The following NRG3 variants were observed in gnomAD, a reference collection of about 807,000 sequenced individuals.
The protein encoded by NRG3 is neuregulin 3.
In NRG3, 31 loss-of-function variants were observed where a neutral mutation model predicts 66.9. That is an observed-to-expected ratio of 0.46 (90% CI 0.35 to 0.63). The LOEUF is 0.63. Ranked by LOEUF, NRG3 falls within the 20% of genes least tolerant of loss-of-function variation. The pLI, the probability that NRG3 is intolerant of heterozygous loss-of-function variation, is 0.00. For synonymous variants in NRG3, 393 were observed against 359.4 expected, an observed-to-expected ratio of 1.09 and a Z score of -1.06; for missense variants, 910 against 878.9, an observed-to-expected ratio of 1.04 and a Z score of -0.45.
intron 1 of NRG3, among the ~76,000 whole-genome samples, chr10:81,908,634 C>T (rs1844823475): frequency 6.6e-6 from 1 of 152,158 alleles, no homozygotes; most frequent in Non-Finnish European, 1.5e-5. Flanking sequence ...TCATGTTAAA[C>T]CACCTTTGTT....
At chr10:82,568,797 G>A (rs2045566566) in intron 2 of NRG3, among the ~76,000 whole-genome samples, 1 of 151,728 alleles carries the variant, frequency 6.6e-6, no homozygotes, top group South Asian at 2.1e-4. Flanking sequence ...CACTCATTGT[G>A]ATGTAAATCC....
chr10:82,234,018 C>T (rs1339271344), intron 1 of NRG3, among the ~76,000 whole-genome samples: 1 of 152,150 alleles, frequency 6.6e-6, no homozygotes, highest in Non-Finnish European at 1.5e-5. Flanking sequence ...CTCCTAGCTG[C>T]TCTACAAACC....
chr10:82,349,123 TGGA>T (rs2083233599), intron 1 of NRG3, among the ~76,000 whole-genome samples: 1 of 152,146 alleles, frequency 6.6e-6, no homozygotes, highest in African/African-American at 2.4e-5. Context: ...TGCGTTCCTT[TGGA>T]GGAGGAGAGG....
At chr10:82,104,126 G>A (rs1309681039) in intron 1 of NRG3, among the ~76,000 whole-genome samples, 1 of 152,038 alleles carries the variant, frequency 6.6e-6, no homozygotes, top group African/African-American at 2.4e-5. Flanking sequence ...TCATTTGCCT[G>A]CCAATATTTA....
intron 3 of NRG3, among the ~76,000 whole-genome samples, chr10:82,764,425 G>A (rs1026223591): frequency 3.5e-5 from 5 of 143,660 alleles, no homozygotes; most frequent in Non-Finnish European, 7.5e-5. Flanking sequence ...TCGCCTAAGT[G>A]CAGTGGTGCA....
intron 6 of NRG3, among the ~76,000 whole-genome samples, chr10:82,972,236 T>G (rs531665502): frequency 6.6e-6 from 1 of 152,276 alleles, no homozygotes; most frequent in South Asian, 2.1e-4. Flanking sequence ...TACTTAAATA[T>G]ATATATTTTG....
intron 2 of NRG3, among the ~76,000 whole-genome samples, chr10:82,427,070 G>C (rs1161949735): frequency 6.6e-6 from 1 of 151,906 alleles, no homozygotes; most frequent in Non-Finnish European, 1.5e-5. Flanking sequence ...ATTCGTTCCA[G>C]TAGGGTATGT....
intron 1 of NRG3, among the ~76,000 whole-genome samples, chr10:81,933,903 G>A (rs1403935281): frequency 2.6e-5 from 4 of 152,172 alleles, no homozygotes; most frequent in African/African-American, 9.7e-5. Context: ...GGTGAAGATG[G>A]TTAAAAGTAG....
chr10:82,871,706 C>A (rs994923895), intron 4 of NRG3, among the ~76,000 whole-genome samples: 72 of 151,962 alleles, frequency 4.7e-4, no homozygotes, highest in Admixed American at 8.5e-4. Context: ...TTTTTAATTT[C>A]ATATCATATT....
At chr10:82,567,971 G>GT (rs1244787201) in intron 2 of NRG3, among the ~76,000 whole-genome samples, 2 of 151,926 alleles carry the variant, frequency 1.3e-5, no homozygotes, top group Non-Finnish European at 2.9e-5. Context: ...ACATCCTGGA[G>GT]TGAGACACCC....
chr10:82,985,108 A>G lies in NRG3; in HGVS notation c.1594A>G (p.Ser532Gly), dbSNP rs763967529. ...DTIPCQGYSS[S>G]GLKTQRNTSI... ...GTGTTTCTTTTTCAGGTATTCATCC[A>G]GTGGTTTAAAAACCCAACGAAATAC... Residue 532 changes from serine to glycine, a missense_variant, in exon 9 of 9, where the codon AGT (serine) becomes GGT (glycine). Coordinates refer to ENST00000372141, the MANE Select transcript of NRG3 (RefSeq NM_001010848.4). 1.2e-6 allele frequency: 2 copies of G among 1,613,536 alleles called. No homozygotes were observed. Among genetic ancestry groups the G allele is most frequent in the Non-Finnish European group, 1.7e-6 (2 of 1,179,746 alleles).
At chr10:82,945,624 A>C (rs1848948077) in intron 4 of NRG3, among the ~76,000 whole-genome samples, 1 of 151,842 alleles carries the variant, frequency 6.6e-6, no homozygotes, top group African/African-American at 2.4e-5. Flanking sequence ...TCAGAAGCCC[A>C]CTCTTGTGAT....
chr10:82,374,239 C>T (rs1218703234), intron 2 of NRG3, among the ~76,000 whole-genome samples: 3 of 152,156 alleles, frequency 2.0e-5, no homozygotes, highest in Non-Finnish European at 1.5e-5. Flanking sequence ...ACCTTGTGTT[C>T]ATGTTAAATA....
At chr10:82,556,382 T>A (rs1178019383) in intron 2 of NRG3, among the ~76,000 whole-genome samples, 1 of 152,092 alleles carries the variant, frequency 6.6e-6, no homozygotes, top group African/African-American at 2.4e-5. Context: ...GCCTGGTGAA[T>A]CTAACAGTAA....
intron 1 of NRG3, among the ~76,000 whole-genome samples, chr10:82,229,403 T>C (rs1467842020): frequency 1.3e-5 from 2 of 152,028 alleles, no homozygotes; most frequent in African/African-American, 4.8e-5. Flanking sequence ...GAAACAGAAA[T>C]TCAGGAAGAA....
intron 2 of NRG3, among the ~76,000 whole-genome samples, chr10:82,690,164 C>T (rs1198436910): frequency 6.6e-6 from 1 of 152,072 alleles, no homozygotes; most frequent in Non-Finnish European, 1.5e-5. Flanking sequence ...AGACAGAAAT[C>T]TTTAGCTTTG....
chr10:82,678,279 A>G (rs1280225847), intron 2 of NRG3, among the ~76,000 whole-genome samples: 2 of 152,160 alleles, frequency 1.3e-5, no homozygotes, highest in African/African-American at 4.8e-5. Context: ...TTGAGTCCGA[A>G]AAAGAGAGTC....
intron 4 of NRG3, among the ~76,000 whole-genome samples, chr10:82,905,831 C>G (rs1844684009): frequency 1.3e-5 from 2 of 152,112 alleles, no homozygotes; most frequent in Admixed American, 6.6e-5. Flanking sequence ...AGGGATTGCT[C>G]TCTTTGACCC....
intron 1 of NRG3, among the ~76,000 whole-genome samples, chr10:81,997,416 T>C (rs533462418): frequency 1.2e-4 from 18 of 152,362 alleles, no homozygotes; most frequent in Non-Finnish European, 2.2e-4. Context: ...CTCAGATGCC[T>C]TCTCCTCCAG....
Sources: gnomAD v4.1 joint callset for allele counts (sites outside exome capture counted in the v4.1 genomes callset) on GRCh38, gnomAD v4.1.1 for gene constraint, MANE v1.5 for transcripts, NCBI Gene and HGNC (gene_info 2026-07-23, HGNC 2026-07-21) for gene names.